Variants in DAGLB observed in about 807,000 individuals in gnomAD.
DAGLB encodes diacylglycerol lipase beta.
DAGLB carries 66 observed loss-of-function variants against 72.1 expected under a neutral mutation model. The observed-to-expected ratio is 0.92, with a 90% confidence interval of 0.75 to 1.12. The LOEUF (loss-of-function observed/expected upper bound fraction) is 1.12, where lower values mean the gene tolerates loss of function less well. Ranked by LOEUF, DAGLB falls within the 50% of genes most tolerant of loss-of-function variation. The probability of loss-of-function intolerance (pLI) is 0.00; values close to 1 mark genes in which losing one functional copy is unlikely to be tolerated. For synonymous variants in DAGLB, 414 were observed against 359.5 expected (o/e 1.15, Z -1.71); for missense variants, 1,065 against 884.9 (o/e 1.20, Z -2.58).
chr7:6,433,214 T>A (rs1784546256), intron 4 of DAGLB, among the ~76,000 whole-genome samples: 2 of 152,336 alleles, frequency 1.3e-5, no homozygotes, highest in Non-Finnish European at 2.9e-5. Context: ...TTTCACTTCA[T>A]GTGACTCAAC....
chr7:6,442,644 C>G (rs948902683), intron 2 of DAGLB, among the ~76,000 whole-genome samples: 1 of 152,216 alleles, frequency 6.6e-6, no homozygotes, highest in African/African-American at 2.4e-5. Flanking sequence ...CACATGGTTT[C>G]TTTCTTTCCT....
intron 2 of DAGLB, among the ~76,000 whole-genome samples, chr7:6,439,143 T>A (rs530038915): frequency 6.6e-6 from 1 of 151,586 alleles, no homozygotes; most frequent in Non-Finnish European, 1.5e-5. Flanking sequence ...TAGTCCCAGC[T>A]ACTCAGGAAG....
intron 13 of DAGLB, 82 bp downstream of exon 13, chr7:6,412,729 G>C (rs1031118632): frequency 1.5e-5 from 22 of 1,474,282 alleles, no homozygotes; most frequent in Non-Finnish European, 2.0e-5. Context: ...TGCACTGAGG[G>C]TGCAATTCCT....
chr7:6,437,424 G>A (rs1489338893), intron 2 of DAGLB, among the ~76,000 whole-genome samples: 2 of 152,080 alleles, frequency 1.3e-5, no homozygotes, highest in Non-Finnish European at 2.9e-5. Flanking sequence ...GAAGCTCAGA[G>A]AGCGTAATAG....
Position 6,434,968 on chromosome 7 carries a change from G to A in DAGLB, c.472C>T (p.Leu158Phe). ...VVSIIIVFDPLGGKMAPYSSA... is the reference protein window; with the variant it reads ...VVSIIIVFDPFGGKMAPYSSA... Reference sequence around the variant, plus strand: ...GAATATGGAGCCATTTTCCCCCCAAGAGGGTCAAAGACAATGATAATGGAA... The same window carrying A: ...GAATATGGAGCCATTTTCCCCCCAAAAGGGTCAAAGACAATGATAATGGAA... Residue 158 changes from leucine to phenylalanine, a missense_variant, in exon 4 of 15, where the codon CTT becomes TTT. Transcript: ENST00000297056. 6.2e-7 allele frequency: 1 copy of A among 1,614,090 alleles called. No individual in the cohort carries two copies. The highest frequency in any genetic ancestry group is 2.2e-5 in the East Asian group (1 of 44,878).
chr7:6,420,484 T>A (rs1159769025), intron 9 of DAGLB, among the ~76,000 whole-genome samples: 1 of 149,852 alleles, frequency 6.7e-6, no homozygotes, highest in Non-Finnish European at 1.5e-5. Flanking sequence ...AAAGGACAAA[T>A]CCTGTACGAT....
chr7:6,427,273 G>A lies in DAGLB; in HGVS notation c.930-1159C>T, dbSNP rs559951115. ...AGGGGACTGAGCATGGGTAACTCAC[G>A]CTGATGTTGCTGGGAGCCAAGCTTC... On this transcript the variant is annotated intron_variant, in intron 6 of 14. Coordinates refer to ENST00000297056, the MANE Select transcript of DAGLB (RefSeq NM_139179.4). Among the ~76,000 whole-genome samples, 121 of 152,220 alleles carry A rather than the reference G, an allele frequency of 7.9e-4. 1 individual carries two copies. In the South Asian group the frequency reaches 0.023, roughly 29 times the overall value.
intron 2 of DAGLB, among the ~76,000 whole-genome samples, chr7:6,440,043 C>G (rs1784778574): frequency 7.7e-6 from 1 of 129,386 alleles, no homozygotes; most frequent in Non-Finnish European, 1.6e-5. Context: ...TGGAGAAAGA[C>G]TCTGTCTCAA....
At chr7:6,445,805 TTGA>T in intron 2 of DAGLB, 145 bp downstream of exon 2, 1 of 896,976 alleles carries the variant, frequency 1.1e-6, no homozygotes, top group Non-Finnish European at 1.6e-6. Context: ...TGGTATAAAC[TTGA>T]TGATGGTGAT....
At position 6,434,939 on chromosome 7, in the gene DAGLB, A is replaced by G; in HGVS notation, c.501T>C (p.Ser167=). ...PLGGKMAPYS[S]AGPSHLDSHD... The stretch of plus-strand genomic sequence containing the variant: ...GACTATCCAGGTGGCTGGGGCCGGC[A>G]GAGGAATATGGAGCCATTTTCCCCC... The change falls in exon 4 of 15, where the codon TCT becomes TCC. Residue 167 remains serine (S), a synonymous_variant. Coordinates refer to ENST00000297056, the MANE Select transcript of DAGLB (RefSeq NM_139179.4). The G allele has an allele frequency of 1.2e-6, 2 of 1,614,216 alleles. No individual in the cohort carries two copies. Among genetic ancestry groups the G allele is most frequent in the South Asian group, 1.1e-5 (1 of 91,088 alleles).
At chr7:6,437,027 G>A (rs868784601) in intron 2 of DAGLB, among the ~76,000 whole-genome samples, 2 of 151,732 alleles carry the variant, frequency 1.3e-5, no homozygotes, top group African/African-American at 4.8e-5. Context: ...GCGGGCGTCT[G>A]TAATCCTAGC....
intron 2 of DAGLB, among the ~76,000 whole-genome samples, chr7:6,438,145 C>G (rs1053030042): frequency 6.6e-6 from 1 of 151,430 alleles, no homozygotes; most frequent in South Asian, 2.1e-4. Flanking sequence ...TAGGTGGGAA[C>G]TGAACAATGA....
chr7:6,444,226 T>A (rs1000229358), intron 2 of DAGLB, among the ~76,000 whole-genome samples: 2 of 151,928 alleles, frequency 1.3e-5, no homozygotes, highest in Admixed American at 6.6e-5. Context: ...TGAGCTATGA[T>A]TGCGCCACTG....
intron 8 of DAGLB, among the ~76,000 whole-genome samples, chr7:6,423,976 C>T (rs373645308): frequency 2.6e-5 from 4 of 152,106 alleles, no homozygotes; most frequent in African/African-American, 4.8e-5. Context: ...TGGTGCCTCC[C>T]GGGAGACCCA....
At chr7:6,424,879 A>T in intron 7 of DAGLB, 44 bp from the exon 8 acceptor site, 1 of 1,589,656 alleles carries the variant, frequency 6.3e-7, no homozygotes. Flanking sequence ...CAGTGAACAC[A>T]CGCACCAGCA....
intron 13 of DAGLB, chr7:6,412,526 T>G (rs1783762983): frequency 7.2e-6 from 3 of 417,342 alleles, no homozygotes; most frequent in Non-Finnish European, 1.3e-5. Context: ...CCTCAAGGGA[T>G]CCTCCTGCCT....
At chr7:6,415,689 C>CA (rs1255123388) in intron 11 of DAGLB, among the ~76,000 whole-genome samples, 1 of 150,994 alleles carries the variant, frequency 6.6e-6, no homozygotes, top group African/African-American at 2.4e-5. Context: ...TAAAAAAATA[C>CA]AAAAAATTAG....
In DAGLB at chr7:6,409,772, G is replaced by C. The variant is rs745875847; in HGVS notation, c.*65C>G. Reference sequence around the variant, plus strand: ...TTGGCGTCATGGGAACTCCTCGGATGGTAAGTCAGTTTAAGGACAAAAGCG... The same window carrying C: ...TTGGCGTCATGGGAACTCCTCGGATCGTAAGTCAGTTTAAGGACAAAAGCG... On this transcript the variant is annotated 3_prime_UTR_variant, in exon 15 of 15. Coordinates refer to ENST00000297056, the MANE Select transcript of DAGLB (RefSeq NM_139179.4). 5 of 1,549,884 alleles carry C rather than the reference G, an allele frequency of 3.2e-6. No homozygotes were observed. The highest frequency in any genetic ancestry group is 3.4e-4 in the Middle Eastern group (2 of 5,834).
At chr7:6,431,440 T>C (rs1042670107) in intron 5 of DAGLB, among the ~76,000 whole-genome samples, 3 of 152,122 alleles carry the variant, frequency 2.0e-5, no homozygotes, top group Admixed American at 6.6e-5. Flanking sequence ...ATGCATAGAA[T>C]TGAACAGCAA....
Sources: gnomAD v4.1 joint callset for allele counts (sites outside exome capture counted in the v4.1 genomes callset) on GRCh38, gnomAD v4.1.1 for gene constraint, MANE v1.5 for transcripts, NCBI Gene and HGNC (gene_info 2026-07-23, HGNC 2026-07-21) for gene names.